Variants in CRYBA4 observed in about 807,000 individuals in gnomAD.
CRYBA4 encodes the protein crystallin beta A4, also known as beta-crystallin A4.
A neutral mutation model predicts 31.7 loss-of-function variants in CRYBA4; 30 were observed. The observed-to-expected ratio is 0.95, with a 90% CI of 0.71 to 1.28. The LOEUF (loss-of-function observed/expected upper bound fraction) is 1.28, where lower values mean the gene tolerates loss of function less well. Among genes scored for constraint, CRYBA4 ranks in the 50% most tolerant of loss-of-function variants. The probability of loss-of-function intolerance (pLI) is 0.00; values close to 1 mark genes in which losing one functional copy is unlikely to be tolerated. For missense variants in CRYBA4, 225 were observed against 260.7 expected, an observed-to-expected ratio of 0.86 and a Z score of 0.94; for synonymous variants, 102 against 102.3, an observed-to-expected ratio of 1.00 and a Z score of 0.02.
chr22:26,629,479 C>T (rs901055547), intron 5 of CRYBA4, among the ~76,000 whole-genome samples: 2 of 152,088 alleles, frequency 1.3e-5, no homozygotes, highest in East Asian at 1.9e-4. Flanking sequence ...CGGTGGCTCA[C>T]GCCTGTAATC....
At chr22:26,613,177 C>T in the CRYBA4 span, among the ~76,000 whole-genome samples, 1 of 152,252 alleles carries the variant, frequency 6.6e-6, no homozygotes, top group Non-Finnish European at 1.5e-5. Flanking sequence ...CTAATCTTCT[C>T]TCCTCACTAA....
At chr22:26,621,798 T>C (rs1376161161), upstream of CRYBA4, among the ~76,000 whole-genome samples, 1 of 152,180 alleles carries the variant, frequency 6.6e-6, no homozygotes, top group African/African-American at 2.4e-5. Flanking sequence ...GATCTGGTCC[T>C]TTCCCTCCCT....
the CRYBA4 span, chr22:26,611,969 G>A: frequency 2.4e-6 from 2 of 839,406 alleles, no homozygotes; most frequent in Non-Finnish European, 2.1e-6. Context: ...CCAGGAGTAC[G>A]AACGGCCGCA....
At chr22:26,613,986 G>A in the CRYBA4 span, among the ~76,000 whole-genome samples, 8 of 152,186 alleles carry the variant, frequency 5.3e-5, no homozygotes, top group Non-Finnish European at 8.8e-5. Context: ...GCAGAGATGA[G>A]ATAGACTCCA....
chr22:26,625,475 C>T lies in CRYBA4; in HGVS notation c.159-6C>T. ...ACCTCCTGCACACTCTACCCTCTGT[C>T]TGCAGGTGGGTGGGCTTTGAGCATG... On this transcript the variant is annotated splice_polypyrimidine_tract_variant and splice_region_variant and intron_variant, in intron 3 of 5. Transcript: ENST00000354760. 6.2e-7 allele frequency: 1 copy of T among 1,613,798 alleles called. No individual in the cohort carries two copies. Among genetic ancestry groups the T allele is most frequent in the Non-Finnish European group, 8.5e-7 (1 of 1,180,000 alleles).
intron 1 of CRYBA4, among the ~76,000 whole-genome samples, chr22:26,622,350 C>G (rs977234256): frequency 1.4e-4 from 22 of 151,912 alleles, no homozygotes; most frequent in African/African-American, 4.1e-4. Context: ...CAGAGTGGGG[C>G]TCAGAGTCAA....
At chr22:26,627,561 A>C (rs1216587993) in intron 4 of CRYBA4, among the ~76,000 whole-genome samples, 7 of 41,952 alleles carry the variant, frequency 1.7e-4, no homozygotes, top group Admixed American at 1.3e-3. Flanking sequence ...TCCTTCTTTC[A>C]TTCTCTGTCT....
At chr22:26,594,441 G>A in the CRYBA4 span, among the ~76,000 whole-genome samples, 1 of 152,200 alleles carries the variant, frequency 6.6e-6, no homozygotes, top group Non-Finnish European at 1.5e-5. Flanking sequence ...GTTGCCTCTT[G>A]TCGATGAGAA....
intron 3 of CRYBA4, among the ~76,000 whole-genome samples, chr22:26,624,310 G>C (rs1028757420): frequency 2.6e-5 from 4 of 152,178 alleles, no homozygotes; most frequent in Admixed American, 6.5e-5. Flanking sequence ...GATGTGGCCA[G>C]TAGCTTCCAT....
upstream of CRYBA4, among the ~76,000 whole-genome samples, chr22:26,618,746 G>T (rs1017082563): frequency 1.3e-5 from 2 of 152,208 alleles, no homozygotes; most frequent in Admixed American, 1.3e-4. Context: ...TTGGCCTGAG[G>T]CCCCCTGGCC....
the CRYBA4 span, among the ~76,000 whole-genome samples, chr22:26,613,383 G>A: frequency 6.6e-6 from 1 of 152,222 alleles, no homozygotes; most frequent in Non-Finnish European, 1.5e-5. Flanking sequence ...CTGTATGTGT[G>A]CCCCGGGATG....
the CRYBA4 span, among the ~76,000 whole-genome samples, chr22:26,606,958 T>C: frequency 6.6e-6 from 1 of 151,744 alleles, no homozygotes; most frequent in African/African-American, 2.4e-5. Flanking sequence ...TATAAGAAAC[T>C]AATTCAGTAT....
chr22:26,602,151 C>A, the CRYBA4 span: 2 of 1,141,254 alleles, frequency 1.8e-6, no homozygotes, highest in Admixed American at 3.9e-5. Context: ...TCTCCAGGGA[C>A]CACTGCTGTC....
chr22:26,590,259 G>C, the CRYBA4 span: 3 of 151,210 alleles, frequency 2.0e-5, no homozygotes, highest in East Asian at 5.9e-4. Context: ...AGGCTGGTCG[G>C]GAAGTTTCCC....
the CRYBA4 span, chr22:26,616,149 C>T: frequency 2.5e-6 from 4 of 1,614,120 alleles, no homozygotes; most frequent in African/African-American, 1.3e-5. Flanking sequence ...CCCTGTAGTT[C>T]CCAGGAGGCA....
intron 3 of CRYBA4, 93 bp downstream of exon 3, chr22:26,623,445 C>T: frequency 1.1e-6 from 1 of 948,756 alleles, no homozygotes. Context: ...TAGGTCCCCT[C>T]TCCCTAGGCT....
At chr22:26,628,185 A>T in intron 4 of CRYBA4, 103 bp from the exon 5 acceptor site, 1 of 1,545,192 alleles carries the variant, frequency 6.5e-7, no homozygotes, top group African/African-American at 1.4e-5. Flanking sequence ...TTTGCAAGGA[A>T]GGCTGATTTG....
chr22:26,593,500 T>A, the CRYBA4 span, among the ~76,000 whole-genome samples: 2 of 151,940 alleles, frequency 1.3e-5, no homozygotes, highest in Non-Finnish European at 2.9e-5. Context: ...AAAATTTTTT[T>A]AAAAACCATT....
At chr22:26,616,568 T>C in the CRYBA4 span, among the ~76,000 whole-genome samples, 1 of 152,220 alleles carries the variant, frequency 6.6e-6, no homozygotes, top group East Asian at 1.9e-4. Context: ...ACCATGCGGT[T>C]CCCTCCACTA....
Sources: gnomAD v4.1 joint callset for allele counts (sites outside exome capture counted in the v4.1 genomes callset) on GRCh38, gnomAD v4.1.1 for gene constraint, MANE v1.5 for transcripts, NCBI Gene and HGNC (gene_info 2026-07-23, HGNC 2026-07-21) for gene names.